KAZN: variants seen among roughly 807,000 people sequenced by gnomAD.
KAZN encodes kazrin, periplakin interacting protein, also known as kazrin.
A neutral mutation model predicts 87.4 loss-of-function variants in KAZN; 40 were observed. That is an observed-to-expected ratio of 0.46 (90% CI 0.36 to 0.60). The LOEUF (loss-of-function observed/expected upper bound fraction) is 0.60. KAZN is among the 20% of genes least tolerant of loss of function. The pLI, the probability that KAZN is intolerant of heterozygous loss-of-function variation, is 0.00. For synonymous variants in KAZN, 466 were observed against 458.3 expected (o/e 1.02, Z -0.22); for missense variants, 898 against 1,073.9 (o/e 0.84, Z 2.29).
intron 1 of KAZN, among the ~76,000 whole-genome samples, chr1:14,946,588 C>T (rs920712478): frequency 5.9e-5 from 9 of 152,130 alleles, no homozygotes; most frequent in Non-Finnish European, 1.0e-4. Flanking sequence ...AGAAAGCACG[C>T]GTCTGTTCAC....
intron 2 of KAZN, among the ~76,000 whole-genome samples, chr1:14,320,677 A>G (rs1273605008): frequency 2.0e-5 from 3 of 152,200 alleles, no homozygotes; most frequent in African/African-American, 7.2e-5. Context: ...AGTTGCTTAC[A>G]CCTGTCCTCT....
chr1:14,064,971 T>C (rs948889468), intron 1 of KAZN, among the ~76,000 whole-genome samples: 1 of 152,162 alleles, frequency 6.6e-6, no homozygotes, highest in African/African-American at 2.4e-5. Context: ...GGAAAACATG[T>C]GTCCTTTAGC....
rs189474558 is a variant in KAZN, at chr1:14,411,980, T to A, written c.250-187003T>A. Among the ~76,000 whole-genome samples, 30 of 151,968 alleles carry A rather than the reference T, an allele frequency of 2.0e-4. 1 individual carries two copies. Among genetic ancestry groups the A allele is most frequent in the South Asian group, 6.2e-4 (3 of 4,822 alleles). On this transcript the variant is annotated intron_variant, in intron 2 of 16. Coordinates refer to the KAZN transcript ENST00000636203. ...CATTCTGGTCATTGCCCCCTGTACT[T>A]CTTCTGGTTGCTTTCAAGGTTGTTT...
chr1:14,358,473 ATTTG>A (rs2100971008), intron 2 of KAZN, among the ~76,000 whole-genome samples: 1 of 151,560 alleles, frequency 6.6e-6, no homozygotes, highest in South Asian at 2.1e-4. Context: ...TAGCTTTTGA[ATTTG>A]TTTGCTTTTG....
chr1:15,093,560 T>A (rs1314604166), intron 8 of KAZN, among the ~76,000 whole-genome samples: 1 of 152,112 alleles, frequency 6.6e-6, no homozygotes, highest in Non-Finnish European at 1.5e-5. Flanking sequence ...TCTGCATTTT[T>A]ACATAAGGTA....
chr1:14,433,154 A>G (rs558307834), intron 2 of KAZN, among the ~76,000 whole-genome samples: 2 of 152,210 alleles, frequency 1.3e-5, no homozygotes, highest in Admixed American at 6.5e-5. Context: ...GTCCCATGAG[A>G]TACGAACATG....
chr1:14,964,389 G>A (rs896462590), intron 2 of KAZN, among the ~76,000 whole-genome samples: 11 of 152,134 alleles, frequency 7.2e-5, no homozygotes, highest in African/African-American at 2.7e-4. Flanking sequence ...GATGTTGCTT[G>A]TCTGATTCTC....
intron 2 of KAZN, among the ~76,000 whole-genome samples, chr1:14,528,850 CAT>C (rs1347562853): frequency 6.6e-6 from 1 of 151,792 alleles, no homozygotes; most frequent in East Asian, 1.9e-4. Flanking sequence ...TCTCAGGCAA[CAT>C]TGTCTCTCCT....
At chr1:14,026,156 C>T (rs1430846416) in intron 1 of KAZN, among the ~76,000 whole-genome samples, 1 of 151,966 alleles carries the variant, frequency 6.6e-6, no homozygotes, top group African/African-American at 2.4e-5. Flanking sequence ...TCTCTGTGTT[C>T]CAGAGAATAA....
At chr1:15,048,860 G>A (rs1251623407) in intron 4 of KAZN, among the ~76,000 whole-genome samples, 1 of 146,368 alleles carries the variant, frequency 6.8e-6, no homozygotes, top group African/African-American at 2.6e-5. Flanking sequence ...TTGGTCCTTG[G>A]TCGTTGGTCC....
intron 2 of KAZN, among the ~76,000 whole-genome samples, chr1:14,424,498 A>G (rs1049023624): frequency 9.9e-5 from 15 of 152,256 alleles, no homozygotes; most frequent in Admixed American, 2.6e-4. Flanking sequence ...AAGCTCACCC[A>G]CACATACGCA....
chr1:14,415,182 A>C (rs1410390162), intron 2 of KAZN, among the ~76,000 whole-genome samples: 1 of 152,212 alleles, frequency 6.6e-6, no homozygotes, highest in African/African-American at 2.4e-5. Flanking sequence ...AGTGTCAGCT[A>C]CATTATTCTC....
intron 2 of KAZN, among the ~76,000 whole-genome samples, chr1:14,188,194 CGT>C (rs3033865): frequency 0.21 from 29,386 of 139,772 alleles, 3,028 homozygotes; most frequent in Middle Eastern, 0.26. Context: ...GAGAGAGGAG[CGT>C]GTGTGTGTGT....
intron 2 of KAZN, among the ~76,000 whole-genome samples, chr1:14,395,850 A>G (rs1662852814): frequency 1.3e-5 from 2 of 152,134 alleles, no homozygotes; most frequent in Non-Finnish European, 2.9e-5. Flanking sequence ...TGCCAGCCAT[A>G]ATAACCCCAC....
At chr1:14,543,327 C>T (rs572794974) in intron 2 of KAZN, among the ~76,000 whole-genome samples, 5 of 152,332 alleles carry the variant, frequency 3.3e-5, no homozygotes, top group Non-Finnish European at 4.4e-5. Context: ...TGCCCTCTAA[C>T]ACAGTCCCTT....
At chr1:14,264,937 G>A (rs930779305) in intron 2 of KAZN, among the ~76,000 whole-genome samples, 8 of 152,264 alleles carry the variant, frequency 5.3e-5, no homozygotes, top group African/African-American at 1.9e-4. Flanking sequence ...TCTTATTCAT[G>A]AGTGATTAGG....
At chr1:14,242,738 C>T (rs557167800) in intron 2 of KAZN, among the ~76,000 whole-genome samples, 8 of 152,364 alleles carry the variant, frequency 5.3e-5, no homozygotes, top group African/African-American at 1.7e-4. Context: ...TGCTAGTCCA[C>T]ATTTTCCCCA....
intron 1 of KAZN, among the ~76,000 whole-genome samples, chr1:14,134,813 A>G (rs1167147402): frequency 6.6e-6 from 1 of 152,130 alleles, no homozygotes; most frequent in Non-Finnish European, 1.5e-5. Context: ...TATTAATCAC[A>G]TAAACAAGTT....
chr1:14,521,259 A>T (rs75152998), intron 2 of KAZN, among the ~76,000 whole-genome samples: 5,601 of 152,194 alleles, frequency 0.037, 240 homozygotes, highest in East Asian at 0.17. Context: ...CACCATAACC[A>T]CTTGAGCCAA....
Sources: allele counts gnomAD v4.1 joint callset (sites outside exome capture counted in the v4.1 genomes callset), GRCh38; gene constraint gnomAD v4.1.1; transcripts MANE v1.5; gene names NCBI Gene and HGNC (gene_info 2026-07-23, HGNC 2026-07-21).